Variants in SOX5 observed in about 807,000 individuals in gnomAD.
SOX5 encodes transcription factor SOX-5.
In SOX5, 9 loss-of-function variants were observed where a neutral mutation model predicts 92.0. The observed-to-expected ratio is 0.10, with a 90% CI of 0.06 to 0.17. The LOEUF is 0.17. Among genes scored for constraint, SOX5 ranks in the 10% least tolerant of loss-of-function variants. The pLI, the probability that SOX5 is intolerant of heterozygous loss-of-function variation, is 1.00. For missense variants in SOX5, 642 were observed against 944.5 expected (o/e 0.68, Z 4.20); for synonymous variants, 344 against 336.3 (o/e 1.02, Z -0.25).
At chr12:24,372,279 A>T (rs573355508) in intron 1 of SOX5, among the ~76,000 whole-genome samples, 54 of 151,888 alleles carry the variant, frequency 3.6e-4, no homozygotes, top group African/African-American at 1.3e-3. Context: ...TGCTATCCCC[A>T]CTAGCCCCCC....
chr12:24,247,645 CTTTTTTTTT>C (rs11300258), intron 3 of SOX5, among the ~76,000 whole-genome samples: 1 of 75,584 alleles, frequency 1.3e-5, no homozygotes, highest in African/African-American at 4.6e-5. Flanking sequence ...TATTTATTTA[CTTTTTTTTT>C]TTTTTTTTTT....
At chr12:24,232,402 G>A (rs1326090250) in intron 3 of SOX5, among the ~76,000 whole-genome samples, 1 of 152,190 alleles carries the variant, frequency 6.6e-6, no homozygotes, top group Admixed American at 6.5e-5. Context: ...ACTTATGGCT[G>A]TAAAGATGTA....
intron 9 of SOX5, among the ~76,000 whole-genome samples, chr12:23,578,991 T>C (rs1949664476): frequency 6.6e-6 from 1 of 152,132 alleles, no homozygotes; most frequent in African/African-American, 2.4e-5. Flanking sequence ...GAGAAAAGAC[T>C]GTATTCCCAG....
At chr12:24,292,668 T>C (rs1308343312) in intron 2 of SOX5, among the ~76,000 whole-genome samples, 1 of 152,216 alleles carries the variant, frequency 6.6e-6, no homozygotes, top group Non-Finnish European at 1.5e-5. Flanking sequence ...GTTGATAGAA[T>C]TTTGTTCTTC....
At chr12:24,518,095 G>T (rs113075777) in intron 1 of SOX5, among the ~76,000 whole-genome samples, 5,468 of 150,094 alleles carry the variant, frequency 0.036, 120 homozygotes, top group South Asian at 0.062. Context: ...TTGAGGCAGG[G>T]TCTCACTTTG....
At chr12:23,574,602 T>A (rs76673913) in intron 10 of SOX5, among the ~76,000 whole-genome samples, 3,460 of 152,266 alleles carry the variant, frequency 0.023, 133 homozygotes, top group African/African-American at 0.079. Context: ...ATGTAACTTA[T>A]TCTTGTCCTA....
chr12:23,971,271 C>T (rs900541856), intron 4 of SOX5, among the ~76,000 whole-genome samples: 17 of 151,074 alleles, frequency 1.1e-4, no homozygotes, highest in Middle Eastern at 3.4e-3. Flanking sequence ...TACAGGTGCC[C>T]GCCACCATGC....
At chr12:23,921,156 G>T (rs925489998) in intron 1 of SOX5, among the ~76,000 whole-genome samples, 7 of 152,118 alleles carry the variant, frequency 4.6e-5, no homozygotes, top group Admixed American at 6.5e-5. Context: ...TCCCTGTGCT[G>T]CCAAGGAAGC....
At chr12:24,276,353 A>AC (rs1944431151) in intron 3 of SOX5, among the ~76,000 whole-genome samples, 2 of 152,156 alleles carry the variant, frequency 1.3e-5, no homozygotes, top group Non-Finnish European at 2.9e-5. Flanking sequence ...TCACACATAC[A>AC]CTTGCATCTT....
In SOX5 at chr12:24,089,218, A is replaced by C. The variant is rs543603346; in HGVS notation, c.-2+124125T>G. 2.6e-3 allele frequency among the ~76,000 whole-genome samples: 393 copies of C among 152,256 alleles called. 2 individuals carry two copies. Among genetic ancestry groups the C allele is most frequent in the African/African-American group, 9.0e-3 (375 of 41,570 alleles). On this transcript the variant is annotated intron_variant, in intron 4 of 4. Transcript: ENST00000446891. ...CCTTATTTTAGTCCTTGCTTCTAAC[A>C]AATTCCTCCATATATAGGAAAGAGC...
chr12:24,502,560 G>A (rs1948321374), intron 1 of SOX5, among the ~76,000 whole-genome samples: 2 of 152,088 alleles, frequency 1.3e-5, no homozygotes, highest in Non-Finnish European at 2.9e-5. Flanking sequence ...CCAAATAAAT[G>A]TAAGATAAAA....
chr12:24,321,884 C>T (rs990339694), intron 2 of SOX5, among the ~76,000 whole-genome samples: 9 of 152,236 alleles, frequency 5.9e-5, no homozygotes, highest in African/African-American at 2.2e-4. Context: ...CCCTAATATA[C>T]TCACGGTCTC....
At chr12:24,230,827 A>G (rs963573280) in intron 3 of SOX5, among the ~76,000 whole-genome samples, 5 of 152,226 alleles carry the variant, frequency 3.3e-5, no homozygotes, top group Non-Finnish European at 7.3e-5. Flanking sequence ...TAACTTTCAT[A>G]TAAATGTACA....
intron 4 of SOX5, among the ~76,000 whole-genome samples, chr12:24,086,551 A>G (rs1440796591): frequency 6.6e-6 from 1 of 151,982 alleles, no homozygotes; most frequent in African/African-American, 2.4e-5. Context: ...CTAGTTTAAA[A>G]ATACACTCAT....
intron 4 of SOX5, among the ~76,000 whole-genome samples, chr12:23,986,290 G>C (rs1461256847): frequency 1.3e-5 from 2 of 151,966 alleles, no homozygotes; most frequent in Admixed American, 6.6e-5. Context: ...AGGTTTTCAT[G>C]GAATCTCAGG....
chr12:23,589,644 C>T (rs1951242789), intron 9 of SOX5, among the ~76,000 whole-genome samples: 1 of 151,888 alleles, frequency 6.6e-6, no homozygotes, highest in African/African-American at 2.4e-5. Flanking sequence ...TGGTCAAAGG[C>T]TCATATTTCC....
intron 4 of SOX5, among the ~76,000 whole-genome samples, chr12:24,202,447 C>T (rs1012664315): frequency 6.6e-6 from 1 of 152,092 alleles, no homozygotes; most frequent in Non-Finnish European, 1.5e-5. Context: ...TATTATAGAA[C>T]CAATAATACA....
chr12:24,548,575 G>T (rs568479132), intron 1 of SOX5, among the ~76,000 whole-genome samples: 1 of 152,290 alleles, frequency 6.6e-6, no homozygotes, highest in South Asian at 2.1e-4. Flanking sequence ...ATGGATTTAA[G>T]CACCTACTTT....
chr12:24,362,169 T>C (rs1390865177), intron 2 of SOX5, among the ~76,000 whole-genome samples: 1 of 152,244 alleles, frequency 6.6e-6, no homozygotes, highest in Admixed American at 6.5e-5. Context: ...TGCATATGTA[T>C]ATTCTTTCCC....
Sources: allele counts gnomAD v4.1 joint callset (sites outside exome capture counted in the v4.1 genomes callset), GRCh38; gene constraint gnomAD v4.1.1; transcripts MANE v1.5; gene names NCBI Gene and HGNC (gene_info 2026-07-23, HGNC 2026-07-21).